Variants in LRRTM4 observed in about 807,000 individuals in gnomAD.
The protein encoded by LRRTM4 is leucine-rich repeat transmembrane neuronal protein 4.
A neutral mutation model predicts 47.6 loss-of-function variants in LRRTM4; 25 were observed. That is an observed-to-expected ratio of 0.53 (90% CI 0.38 to 0.73). The LOEUF (loss-of-function observed/expected upper bound fraction) is 0.73. Ranked by LOEUF, LRRTM4 falls within the 30% of genes least tolerant of loss-of-function variation. The pLI is 0.00. For missense variants in LRRTM4, 638 were observed against 713.4 expected, an observed-to-expected ratio of 0.89 and a Z score of 1.20; for synonymous variants, 311 against 269.5, an observed-to-expected ratio of 1.15 and a Z score of -1.51.
chr2:77,384,013 T>G (rs1357603278), intron 3 of LRRTM4, among the ~76,000 whole-genome samples: 3 of 152,152 alleles, frequency 2.0e-5, no homozygotes, highest in East Asian at 3.8e-4. Flanking sequence ...TTTGAATAAG[T>G]AAGGCTAACA....
intron 3 of LRRTM4, among the ~76,000 whole-genome samples, chr2:77,223,535 A>C (rs958819331): frequency 1.3e-5 from 2 of 152,212 alleles, no homozygotes; most frequent in African/African-American, 4.8e-5. Flanking sequence ...ATCAATGTGC[A>C]AAAATCACAA....
At chr2:77,494,453 C>T (rs1272810860) in intron 3 of LRRTM4, among the ~76,000 whole-genome samples, 2 of 151,808 alleles carry the variant, frequency 1.3e-5, no homozygotes, top group Non-Finnish European at 2.9e-5. Flanking sequence ...ATCCAGTTCC[C>T]CAACATTTAG....
chr2:77,069,401 A>ATG (rs3058064), intron 3 of LRRTM4, among the ~76,000 whole-genome samples: 13,751 of 141,400 alleles, frequency 0.097, 533 homozygotes, highest in South Asian at 0.12. Flanking sequence ...ACATTTCACT[A>ATG]TGTGTGTGTG....
At chr2:76,905,761 A>G (rs1205817191) in intron 3 of LRRTM4, among the ~76,000 whole-genome samples, 1 of 151,934 alleles carries the variant, frequency 6.6e-6, no homozygotes, top group East Asian at 1.9e-4. Flanking sequence ...GGAAGATGAA[A>G]TGAATGAAAT....
intron 3 of LRRTM4, among the ~76,000 whole-genome samples, chr2:77,084,505 A>G (rs761574533): frequency 6.6e-6 from 1 of 152,166 alleles, no homozygotes; most frequent in Non-Finnish European, 1.5e-5. Flanking sequence ...CGTACTTAAT[A>G]TTTCCATATT....
At chr2:76,762,847 A>G (rs1441004123) in intron 3 of LRRTM4, among the ~76,000 whole-genome samples, 2 of 152,182 alleles carry the variant, frequency 1.3e-5, no homozygotes, top group African/African-American at 2.4e-5. Flanking sequence ...TAGCATTTTA[A>G]AAAACAGTGT....
chr2:77,174,176 C>G (rs751131365), intron 3 of LRRTM4, among the ~76,000 whole-genome samples: 5 of 152,164 alleles, frequency 3.3e-5, no homozygotes, highest in African/African-American at 4.8e-5. Context: ...CCTCCCACAA[C>G]TAGGACACTG....
intron 3 of LRRTM4, among the ~76,000 whole-genome samples, chr2:76,975,156 A>G (rs912816154): frequency 7.9e-5 from 12 of 151,890 alleles, no homozygotes; most frequent in African/African-American, 2.4e-4. Context: ...AGTAAAGAGC[A>G]TATCACAGGC....
At chr2:77,079,320 T>C (rs1305466519) in intron 3 of LRRTM4, among the ~76,000 whole-genome samples, 1 of 152,194 alleles carries the variant, frequency 6.6e-6, no homozygotes, top group African/African-American at 2.4e-5. Context: ...AAGCCAAATA[T>C]GAACCAGTGG....
In LRRTM4 at chr2:76,808,051, T is replaced by C. The variant is rs1406467249; in HGVS notation, c.1552-59135A>G. ...TCTTTTCTTTTCTTTCTTGTTTTGC[T>C]CTTGTTGCCCAGGCTGGAGTGCAAG... On this transcript the variant is annotated intron_variant, in intron 3 of 3. Transcript: ENST00000409884. 2.0e-5 allele frequency among the ~76,000 whole-genome samples: 3 copies of C among 149,064 alleles called. No individual in the cohort carries two copies. In the East Asian group the frequency reaches 6.1e-4, roughly 30 times the overall value.
intron 3 of LRRTM4, among the ~76,000 whole-genome samples, chr2:76,800,757 GAA>G (rs201028414): frequency 7.8e-6 from 1 of 128,342 alleles, no homozygotes; most frequent in African/African-American, 3.2e-5. Context: ...AAATTTACAA[GAA>G]AAAAACAAAC....
intron 3 of LRRTM4, among the ~76,000 whole-genome samples, chr2:77,115,325 G>A (rs868575948): frequency 2.4e-4 from 37 of 152,138 alleles, no homozygotes; most frequent in African/African-American, 7.5e-4. Flanking sequence ...GGGTGCACTG[G>A]TTTCATATTG....
rs575417414 is a variant in LRRTM4, at chr2:77,055,933, T to G, written c.1552-307017A>C. Among the ~76,000 whole-genome samples, 42 of 150,232 alleles carry G rather than the reference T, an allele frequency of 2.8e-4. 1 individual carries two copies. The highest frequency in any genetic ancestry group is 1.1e-3 in the Admixed American group (17 of 15,020). ...GAAATTATCATTCTCAGTAAACTAT[T>G]GCAAGAACAAAAAACCAAACACCGC... On this transcript the variant is annotated intron_variant, in intron 3 of 3. Coordinates refer to ENST00000409884, the MANE Select transcript of LRRTM4 (RefSeq NM_001134745.3).
At chr2:77,266,031 C>T (rs1364017287) in intron 3 of LRRTM4, among the ~76,000 whole-genome samples, 1 of 152,128 alleles carries the variant, frequency 6.6e-6, no homozygotes, top group Non-Finnish European at 1.5e-5. Flanking sequence ...TGGTCTGCCA[C>T]CTGATTTTGT....
intron 3 of LRRTM4, among the ~76,000 whole-genome samples, chr2:76,895,719 G>T (rs551810433): frequency 6.6e-6 from 1 of 152,060 alleles, no homozygotes; most frequent in East Asian, 1.9e-4. Flanking sequence ...ACGAGCCACA[G>T]TGATAAACAT....
chr2:77,102,316 T>C (rs1293304579), intron 3 of LRRTM4, among the ~76,000 whole-genome samples: 1 of 152,210 alleles, frequency 6.6e-6, no homozygotes, highest in East Asian at 1.9e-4. Context: ...ATCCAAGCAC[T>C]GTACTAGTGG....
chr2:77,279,664 G>C (rs538932888), intron 3 of LRRTM4, among the ~76,000 whole-genome samples: 1 of 151,834 alleles, frequency 6.6e-6, no homozygotes, highest in African/African-American at 2.4e-5. Context: ...TTTTTAAATT[G>C]CTATTATGAA....
chr2:77,055,523 T>C (rs182340874), intron 3 of LRRTM4, among the ~76,000 whole-genome samples: 8 of 152,276 alleles, frequency 5.3e-5, no homozygotes, highest in South Asian at 4.1e-4. Flanking sequence ...TGGCAATCAT[T>C]AAAAAGTCAG....
At chr2:76,907,296 A>T (rs1279056263) in intron 3 of LRRTM4, among the ~76,000 whole-genome samples, 1 of 147,726 alleles carries the variant, frequency 6.8e-6, no homozygotes, top group East Asian at 2.0e-4. Context: ...TGAAACCACG[A>T]GAACAAAGAC....
Sources: gnomAD v4.1 joint callset for allele counts (sites outside exome capture counted in the v4.1 genomes callset) on GRCh38, gnomAD v4.1.1 for gene constraint, MANE v1.5 for transcripts, NCBI Gene and HGNC (gene_info 2026-07-23, HGNC 2026-07-21) for gene names.